The following CDC14A variants were observed in gnomAD, a reference collection of about 807,000 sequenced individuals.
The protein encoded by CDC14A is cell division cycle 14A, also known as dual specificity protein phosphatase CDC14A.
In CDC14A, 53 loss-of-function variants were observed where a neutral mutation model predicts 74.4. The observed-to-expected ratio is 0.71, with a 90% confidence interval of 0.57 to 0.89. The LOEUF (loss-of-function observed/expected upper bound fraction) is 0.89, where lower values mean the gene tolerates loss of function less well. Among genes scored for constraint, CDC14A ranks in the 40% least tolerant of loss-of-function variants. CDC14A has a pLI of 0.00. For synonymous variants in CDC14A, 247 were observed against 258.4 expected, an observed-to-expected ratio of 0.96 and a Z score of 0.43; for missense variants, 646 against 713.7, an observed-to-expected ratio of 0.91 and a Z score of 1.08.
chr1:100,446,267 C>CA (rs560674327), intron 7 of CDC14A, among the ~76,000 whole-genome samples: 7 of 151,636 alleles, frequency 4.6e-5, no homozygotes, highest in Non-Finnish European at 1.0e-4. Flanking sequence ...CTCAGAAAAA[C>CA]AAAAAACAAA....
chr1:100,386,448 T>C (rs1454137854), intron 3 of CDC14A, among the ~76,000 whole-genome samples: 2 of 152,176 alleles, frequency 1.3e-5, no homozygotes, highest in Non-Finnish European at 2.9e-5. Flanking sequence ...AAATAATCTG[T>C]AATAGAGCAG....
At chr1:100,484,903 A>T (rs1669874133) in intron 11 of CDC14A, 11 of 979,018 alleles carry the variant, frequency 1.1e-5, no homozygotes, top group Non-Finnish European at 1.3e-5. Flanking sequence ...TCTACTGTAA[A>T]CAAACCACGG....
At chr1:100,390,366 G>A (rs1290346993) in intron 3 of CDC14A, among the ~76,000 whole-genome samples, 1 of 152,122 alleles carries the variant, frequency 6.6e-6, no homozygotes, top group Admixed American at 6.5e-5. Flanking sequence ...ATATTCCTGG[G>A]AGTTGGAGTG....
intron 15 of CDC14A, among the ~76,000 whole-genome samples, chr1:100,501,764 T>A (rs1461306755): frequency 1.3e-5 from 2 of 152,206 alleles, no homozygotes; most frequent in African/African-American, 4.8e-5. Context: ...TTACTGCTCC[T>A]GAAGACCTTC....
intron 2 of CDC14A, among the ~76,000 whole-genome samples, chr1:100,367,353 T>G (rs192178461): frequency 1.3e-5 from 2 of 152,224 alleles, no homozygotes; most frequent in Non-Finnish European, 2.9e-5. Flanking sequence ...TTTTCATTTT[T>G]CCCTCAACTC....
chr1:100,366,807 G>A lies in CDC14A; in HGVS notation c.141-10739G>A, dbSNP rs377257745. Among the ~76,000 whole-genome samples the A allele has an allele frequency of 3.3e-5, 5 of 152,190 alleles. No homozygotes were observed. In the East Asian group the frequency reaches 5.8e-4, roughly 18 times the overall value. On this transcript the variant is annotated intron_variant, in intron 2 of 15. Transcript: ENST00000336454. ...TACTGAATAAAAAGATGGATGGACC[G>A]ATTTTCCCTTAATAGTTCATGAGTT... is the stretch of plus-strand genomic sequence containing the variant.
chr1:100,506,065 G>A (rs1024506586), intron 15 of CDC14A, among the ~76,000 whole-genome samples: 7 of 152,090 alleles, frequency 4.6e-5, no homozygotes, highest in African/African-American at 1.2e-4. Flanking sequence ...AGGATCCACC[G>A]CCATGACCCA....
At chr1:100,478,001 A>T (rs1380979733) in intron 10 of CDC14A, among the ~76,000 whole-genome samples, 1 of 152,188 alleles carries the variant, frequency 6.6e-6, no homozygotes, top group African/African-American at 2.4e-5. Context: ...TGAGTTGTTG[A>T]TGAATTTACT....
chr1:100,468,844 C>CG (rs1339711350), intron 10 of CDC14A, among the ~76,000 whole-genome samples: 2 of 152,124 alleles, frequency 1.3e-5, no homozygotes, highest in Non-Finnish European at 2.9e-5. Flanking sequence ...CTCTAAAATA[C>CG]TATCTATTAG....
chr1:100,417,612 T>A (rs1253654829), intron 4 of CDC14A, among the ~76,000 whole-genome samples: 1 of 152,198 alleles, frequency 6.6e-6, no homozygotes, highest in Non-Finnish European at 1.5e-5. Context: ...CCTAGAGCTT[T>A]TATTTTTTAA....
chr1:100,457,033 T>C (rs1477015020), intron 8 of CDC14A, among the ~76,000 whole-genome samples: 2 of 152,240 alleles, frequency 1.3e-5, no homozygotes, highest in African/African-American at 4.8e-5. Flanking sequence ...TAAGACTGAT[T>C]AAACCTGCTT....
At position 100,499,100 on chromosome 1, in the gene CDC14A, C is replaced by T. The variant is rs758158645; in HGVS notation, c.1593C>T (p.Leu531=). 1 of 1,614,122 alleles carries T rather than the reference C, an allele frequency of 6.2e-7. No individual in the cohort carries two copies. Among genetic ancestry groups the T allele is most frequent in the Non-Finnish European group, 8.5e-7 (1 of 1,180,008 alleles). Residue 531 remains leucine, a synonymous_variant, in exon 15 of 16, where the codon CTC becomes CTT. Transcript: ENST00000336454. ...CAACTACCAGAAATTACCCTGAGCTCAACAATAATCAGTACAACAGAAGCA... is the reference window on the plus strand; with the variant it reads ...CAACTACCAGAAATTACCCTGAGCTTAACAATAATCAGTACAACAGAAGCA... ...SQPTTRNYPE[L]NNNQYNRSSN... is the part of the protein sequence containing the mutation.
intron 4 of CDC14A, chr1:100,393,586 G>A (rs1571049518): frequency 7.0e-6 from 5 of 711,634 alleles, no homozygotes; most frequent in Middle Eastern, 3.2e-4. Flanking sequence ...TGGTATCTGC[G>A]AGTTTACTTC....
intron 10 of CDC14A, among the ~76,000 whole-genome samples, chr1:100,476,001 CT>C (rs1257183552): frequency 3.3e-5 from 5 of 152,184 alleles, no homozygotes; most frequent in Non-Finnish European, 7.4e-5. Flanking sequence ...CCAGGATCCC[CT>C]CTCAGTCTTT....
At chr1:100,388,687 G>A (rs950384550) in intron 3 of CDC14A, among the ~76,000 whole-genome samples, 5 of 152,184 alleles carry the variant, frequency 3.3e-5, no homozygotes, top group South Asian at 2.1e-4. Context: ...GCTCACTGCA[G>A]CCTCCATCTC....
At chr1:100,402,636 T>C (rs1469709838) in intron 4 of CDC14A, among the ~76,000 whole-genome samples, 1 of 152,202 alleles carries the variant, frequency 6.6e-6, no homozygotes, top group Admixed American at 6.5e-5. Context: ...TGCTTTGTCA[T>C]ATTTCAGTTG....
At chr1:100,395,942 G>C (rs1001957369) in intron 4 of CDC14A, among the ~76,000 whole-genome samples, 2 of 152,154 alleles carry the variant, frequency 1.3e-5, no homozygotes, top group African/African-American at 2.4e-5. Context: ...CTTTCTCAGA[G>C]AGATTTTCTC....
intron 5 of CDC14A, among the ~76,000 whole-genome samples, 187 bp downstream of exon 5, chr1:100,424,488 C>T (rs1362984149): frequency 6.6e-6 from 1 of 152,144 alleles, no homozygotes; most frequent in Non-Finnish European, 1.5e-5. Flanking sequence ...AATAAAAGAG[C>T]TTTCTTCTTG....
rs1201357200 is a variant in CDC14A, at chr1:100,498,152, G to A, written c.1366G>A (p.Ala456Thr). 2.5e-6 allele frequency: 4 copies of A among 1,614,124 alleles called. No individual in the cohort carries two copies. The highest frequency in any genetic ancestry group is 3.3e-4 in the Middle Eastern group (2 of 6,062). Residue 456 changes from alanine to threonine, a missense_variant, in exon 14 of 16, where the codon GCA becomes ACA. Ala to Thr is a moderately conservative substitution (Grantham distance 58, BLOSUM62 0). Transcript: ENST00000336454. ...KTSKMALSPS[A>T]TAKRINRTSL... The stretch of plus-strand genomic sequence containing the variant: ...ATCAAAAATGGCACTGTCCCCTTCA[G>A]CAACGGCCAAGAGGATCAACAGAAC...
Sources: allele counts gnomAD v4.1 joint callset (sites outside exome capture counted in the v4.1 genomes callset), GRCh38; gene constraint gnomAD v4.1.1; transcripts MANE v1.5; gene names NCBI Gene and HGNC (gene_info 2026-07-23, HGNC 2026-07-21).